The following ZBTB38 variants were observed in gnomAD, a reference collection of about 807,000 sequenced individuals.
The protein encoded by ZBTB38 is zinc finger and BTB domain-containing protein 38.
Under a neutral mutation model 76.8 loss-of-function variants are expected in ZBTB38, and 20 were observed. That is an observed-to-expected ratio of 0.26 (90% CI 0.18 to 0.38). The LOEUF (loss-of-function observed/expected upper bound fraction) is 0.38, where lower values mean the gene tolerates loss of function less well. ZBTB38 is among the 10% of genes least tolerant of loss of function. The pLI is 1.00. For synonymous variants in ZBTB38, 504 were observed against 544.2 expected (o/e 0.93, Z 1.03); for missense variants, 1,082 against 1,482.3 (o/e 0.73, Z 4.43).
intron 1 of ZBTB38, among the ~76,000 whole-genome samples, chr3:141,328,622 C>T (rs1942748366): frequency 6.6e-6 from 1 of 152,146 alleles, no homozygotes. Flanking sequence ...AGAGCCCCTA[C>T]CTGGACTCCT....
chr3:141,411,408 G>T (rs1187164158), intron 5 of ZBTB38, among the ~76,000 whole-genome samples: 2 of 152,208 alleles, frequency 1.3e-5, no homozygotes, highest in African/African-American at 2.4e-5. Context: ...GTTTCTCAAG[G>T]TCTCTGTGCA....
chr3:141,375,593 G>A (rs759402019), intron 2 of ZBTB38, among the ~76,000 whole-genome samples: 4 of 152,238 alleles, frequency 2.6e-5, no homozygotes, highest in Non-Finnish European at 5.9e-5. Context: ...GAGGGCAGCC[G>A]TGCAGGCAGC....
intron 1 of ZBTB38, among the ~76,000 whole-genome samples, chr3:141,335,036 C>T (rs1169874335): frequency 3.3e-5 from 5 of 152,128 alleles, no homozygotes; most frequent in Middle Eastern, 3.2e-3. Context: ...CTGACACTAC[C>T]GCCTCTGCTG....
intron 5 of ZBTB38, among the ~76,000 whole-genome samples, chr3:141,429,352 G>A (rs957460683): frequency 3.9e-5 from 6 of 151,904 alleles, no homozygotes; most frequent in African/African-American, 9.7e-5. Context: ...AGGGGATGGC[G>A]GCAGGTTGCC....
chr3:141,387,949 G>C (rs967028895), intron 4 of ZBTB38: 6 of 152,082 alleles, frequency 3.9e-5, no homozygotes, highest in African/African-American at 1.4e-4. Context: ...AACATTAGAT[G>C]CATTAGAATA....
At chr3:141,409,782 G>A (rs759511491) in intron 5 of ZBTB38, among the ~76,000 whole-genome samples, 17 of 152,204 alleles carry the variant, frequency 1.1e-4, no homozygotes, top group Non-Finnish European at 2.1e-4. Context: ...ACTGTGCTGG[G>A]CTAAATGTTC....
intron 5 of ZBTB38, chr3:141,427,850 G>A (rs887479255): frequency 1.3e-5 from 2 of 152,430 alleles, no homozygotes; most frequent in African/African-American, 4.8e-5. Context: ...GGTGGGGGAG[G>A]GGAGGCAAAT....
intron 4 of ZBTB38, among the ~76,000 whole-genome samples, chr3:141,401,529 G>A (rs1382833192): frequency 6.6e-6 from 1 of 151,982 alleles, no homozygotes; most frequent in East Asian, 1.9e-4. Context: ...CAGGAACTGG[G>A]ATGCAGAATT....
chr3:141,421,111 A>G (rs555408218), intron 5 of ZBTB38, among the ~76,000 whole-genome samples: 3 of 152,042 alleles, frequency 2.0e-5, no homozygotes, highest in South Asian at 2.1e-4. Context: ...TATACTCTCA[A>G]TCCTCCCAGA....
intron 5 of ZBTB38, among the ~76,000 whole-genome samples, chr3:141,429,516 TG>T (rs1484378381): frequency 6.6e-6 from 1 of 152,192 alleles, no homozygotes; most frequent in African/African-American, 2.4e-5. Flanking sequence ...AGACATTTAC[TG>T]CGTGCTCCTG....
intron 4 of ZBTB38, among the ~76,000 whole-genome samples, chr3:141,398,125 G>A (rs767234137): frequency 1.3e-5 from 2 of 152,228 alleles, no homozygotes; most frequent in East Asian, 3.9e-4. Flanking sequence ...TAGCTTGTAG[G>A]CCACACAAAA....
At chr3:141,418,987 A>T (rs1366095785) in intron 5 of ZBTB38, among the ~76,000 whole-genome samples, 1 of 152,336 alleles carries the variant, frequency 6.6e-6, no homozygotes, top group Non-Finnish European at 1.5e-5. Flanking sequence ...ATAGCTAACC[A>T]TATTGTATTA....
chr3:141,353,419 A>G (rs1371176875), intron 1 of ZBTB38, among the ~76,000 whole-genome samples: 1 of 152,100 alleles, frequency 6.6e-6, no homozygotes, highest in African/African-American at 2.4e-5. Flanking sequence ...AGAATTCTAA[A>G]ATTTCTCATT....
intron 5 of ZBTB38, among the ~76,000 whole-genome samples, chr3:141,405,465 G>T (rs1164875033): frequency 2.0e-5 from 3 of 152,196 alleles, no homozygotes; most frequent in Non-Finnish European, 2.9e-5. Context: ...AGAAAAAGCA[G>T]TTTGGCAAGG....
intron 5 of ZBTB38, chr3:141,405,626 C>G: frequency 6.6e-6 from 1 of 152,178 alleles, no homozygotes; most frequent in Non-Finnish European, 1.5e-5. Context: ...CAGTAAGCCA[C>G]AGAAATCAAA....
At chr3:141,358,661 C>T (rs1208780892) in intron 1 of ZBTB38, among the ~76,000 whole-genome samples, 1 of 152,250 alleles carries the variant, frequency 6.6e-6, no homozygotes, top group East Asian at 1.9e-4. Context: ...TCAACATAGT[C>T]ACTTTTAGGA....
At chr3:141,427,721 C>A (rs764853824) in intron 5 of ZBTB38, 30 of 152,566 alleles carry the variant, frequency 2.0e-4, no homozygotes, top group Non-Finnish European at 3.7e-4. Context: ...TCCCCTGAAG[C>A]TTCACACTCA....
At chr3:141,391,120 A>G (rs1400974320) in intron 4 of ZBTB38, among the ~76,000 whole-genome samples, 1 of 152,080 alleles carries the variant, frequency 6.6e-6, no homozygotes, top group African/African-American at 2.4e-5. Flanking sequence ...GAATCATACT[A>G]CTGCACTCCA....
Position 141,340,938 on chromosome 3 carries a change from A to AAAAGAAAAGAAAAGAAAAGAAAAGAAAAG in ZBTB38, c.-739+16489_-739+16490insAGAAAAGAAAAGAAAAGAAAAGAAAGAAA, listed in dbSNP as rs779460196. Among the ~76,000 whole-genome samples the AAAAGAAAAGAAAAGAAAAGAAAAGAAAAG allele has an allele frequency of 7.1e-4, 23 of 32,468 alleles. 1 individual carries two copies. The highest frequency in any genetic ancestry group is 3.3e-3 in the African/African-American group (19 of 5,786). 21.3% of individuals were successfully genotyped at this position (32,468 alleles called of 152,430 possible). ...AGAAAAGGAAAGGAAAAAAGAAAAGAAAAGAAAGAAGGAAAGAAAGAAAGA... is the reference window on the plus strand; with the variant it reads ...AGAAAAGGAAAGGAAAAAAGAAAAGAAAAGAAAAGAAAAGAAAAGAAAAGAAAAGAAAGAAAGAAGGAAAGAAAGAAAGA... On this transcript the variant is annotated intron_variant, in intron 1 of 7. Coordinates refer to the ZBTB38 transcript ENST00000509842.
Sources: allele counts gnomAD v4.1 joint callset (sites outside exome capture counted in the v4.1 genomes callset), GRCh38; gene constraint gnomAD v4.1.1; transcripts MANE v1.5; gene names NCBI Gene and HGNC (gene_info 2026-07-23, HGNC 2026-07-21).